The following TIAM2 variants were observed in gnomAD, a reference collection of about 807,000 sequenced individuals.
TIAM2 encodes the protein TIAM Rac1 associated GEF 2, also known as rho guanine nucleotide exchange factor TIAM2.
A neutral mutation model predicts 152.9 loss-of-function variants in TIAM2; 80 were observed. The ratio of observed to expected loss-of-function variants is 0.52; its 90% confidence interval spans 0.44 to 0.63. The LOEUF is 0.63. TIAM2 is among the 30% of genes least tolerant of loss of function. TIAM2 has a pLI of 0.00. For missense variants in TIAM2, 1,965 were observed against 2,120.1 expected, an observed-to-expected ratio of 0.93 and a Z score of 1.44; for synonymous variants, 804 against 838.0, an observed-to-expected ratio of 0.96 and a Z score of 0.70.
chr6:155,178,031 G>A (rs1257276489), intron 10 of TIAM2, among the ~76,000 whole-genome samples: 1 of 151,868 alleles, frequency 6.6e-6, no homozygotes, highest in African/African-American at 2.4e-5. Context: ...TGTGGTGGCG[G>A]GCGCCTGTAG....
chr6:155,025,277 T>A (rs1224498342), intron 1 of TIAM2, among the ~76,000 whole-genome samples: 1 of 151,268 alleles, frequency 6.6e-6, no homozygotes, highest in Non-Finnish European at 1.5e-5. Flanking sequence ...CGCTGCAAGC[T>A]CTGCCTCCCG....
In TIAM2 at chr6:155,257,012, C is replaced by G. The variant is rs746096522; in HGVS notation, c.4997C>G (p.Ala1666Gly). The change falls in exon 27 of 27, where the codon GCC becomes GGC. Residue 1666 changes from alanine to glycine, a missense_variant. Ala to Gly is a moderately conservative substitution (Grantham distance 60). Around this residue, in one of 3 missense-constraint regions of TIAM2, gnomAD observed 935 missense variants for 980.0 expected, o/e 0.95. Coordinates refer to ENST00000682666, the MANE Select transcript of TIAM2 (RefSeq NM_012454.4). ...TCCCTTGACAGTCAGTCTGAAAATG[C>G]CACCATCGACCTAAATTCTGTTCTA... Reference protein sequence around the residue: ...HQSLDSQSENATIDLNSVLER... With the variant: ...HQSLDSQSENGTIDLNSVLER... The G allele has an allele frequency of 1.2e-6, 2 of 1,614,006 alleles. No homozygotes were observed. The highest frequency in any genetic ancestry group is 1.1e-5 in the South Asian group (1 of 91,088).
intron 1 of TIAM2, among the ~76,000 whole-genome samples, chr6:155,006,274 C>G (rs1013835546): frequency 2.6e-5 from 4 of 152,104 alleles, no homozygotes; most frequent in African/African-American, 9.7e-5. Context: ...GTGGTAGGGA[C>G]AAACAAGTAA....
Position 155,254,027 on chromosome 6 carries a change from G to A in TIAM2, c.4280G>A (p.Gly1427Glu). Residue 1427 changes from glycine to glutamate, a missense_variant, in exon 25 of 27, where the codon GGA (glycine) becomes GAA (glutamate). Coordinates refer to ENST00000682666, the MANE Select transcript of TIAM2 (RefSeq NM_012454.4). The part of the protein sequence containing the change: ...ELIHTKSEIE[G>E]RPETIFQLCC... ...ATCCATACGAAGTCAGAAATAGAAG[G>A]ACGGCCAGAAACCATCTTTCAGTTG... 1.2e-6 allele frequency: 2 copies of A among 1,614,092 alleles called. No homozygotes were observed. The highest frequency in any genetic ancestry group is 1.7e-6 in the Non-Finnish European group (2 of 1,180,002).
At chr6:155,015,664 C>T (rs755485635) in intron 1 of TIAM2, among the ~76,000 whole-genome samples, 1 of 151,976 alleles carries the variant, frequency 6.6e-6, no homozygotes, top group Non-Finnish European at 1.5e-5. Context: ...AGGCCGGGCG[C>T]GGTGGCTCAT....
At chr6:155,209,290 C>T (rs1781665386) in intron 14 of TIAM2, among the ~76,000 whole-genome samples, 2 of 152,106 alleles carry the variant, frequency 1.3e-5, no homozygotes, top group African/African-American at 4.8e-5. Flanking sequence ...ACAGCTGCTA[C>T]TCAAGAAGTA....
chr6:155,006,362 C>A (rs1294576045), intron 1 of TIAM2, among the ~76,000 whole-genome samples: 1 of 149,172 alleles, frequency 6.7e-6, no homozygotes, highest in Non-Finnish European at 1.5e-5. Context: ...GCTCAAGGCA[C>A]TTTTTTTTTT....
In TIAM2 at chr6:155,165,397, T is replaced by C. The variant is rs1378158362; in HGVS notation, c.2349T>C (p.Pro783=). The C allele has an allele frequency of 1.2e-6, 2 of 1,612,062 alleles. No individual in the cohort carries two copies. Among genetic ancestry groups the C allele is most frequent in the Non-Finnish European group, 1.7e-6 (2 of 1,179,448 alleles). Residue 783 remains proline, a synonymous_variant, in exon 9 of 27, where the codon CCT becomes CCC. Transcript: ENST00000682666. ...CCAGAAAAGGCAAGGAGAAGAGACC[T>C]TCTATAACTCAGGTGAGCTTTTCAG... The part of the protein sequence containing the change: ...TLARKGKEKR[P]SITQVDELLH...
At chr6:155,132,376 A>G (rs1207463122) in intron 4 of TIAM2, among the ~76,000 whole-genome samples, 7 of 151,730 alleles carry the variant, frequency 4.6e-5, no homozygotes, top group East Asian at 1.9e-4. Context: ...TCTGATGTAT[A>G]TAGCGTGTCT....
intron 1 of TIAM2, among the ~76,000 whole-genome samples, chr6:155,070,326 T>A (rs1044728477): frequency 2.7e-5 from 4 of 147,294 alleles, no homozygotes; most frequent in African/African-American, 1.0e-4. Context: ...GTTCAAACGA[T>A]TCTCCTGCCT....
intron 5 of TIAM2, among the ~76,000 whole-genome samples, chr6:155,142,188 T>G (rs2115056712): frequency 6.6e-6 from 1 of 152,006 alleles, no homozygotes; most frequent in South Asian, 2.1e-4. Flanking sequence ...AGTGCACCCT[T>G]AGAGATGCAG....
intron 10 of TIAM2, 94 bp from the exon 11 acceptor site, chr6:155,178,945 A>C: frequency 1.0e-6 from 1 of 999,770 alleles, no homozygotes; most frequent in Non-Finnish European, 1.5e-6. Context: ...GTATTCTTTT[A>C]GAGATTTCTA....
At chr6:155,034,535 G>A (rs995845412) in intron 1 of TIAM2, among the ~76,000 whole-genome samples, 4 of 152,234 alleles carry the variant, frequency 2.6e-5, no homozygotes, top group Non-Finnish European at 5.9e-5. Context: ...GATTACAGGC[G>A]TGAGCCAAAG....
At chr6:155,037,940 C>G (rs1433303944) in intron 1 of TIAM2, among the ~76,000 whole-genome samples, 1 of 152,092 alleles carries the variant, frequency 6.6e-6, no homozygotes, top group East Asian at 1.9e-4. Context: ...GTTTGGAGTA[C>G]CTGGTCGACC....
At chr6:155,074,596 C>T (rs867335126) in intron 1 of TIAM2, among the ~76,000 whole-genome samples, 6 of 152,158 alleles carry the variant, frequency 3.9e-5, no homozygotes, top group Non-Finnish European at 7.3e-5. Flanking sequence ...GATCCGCCTG[C>T]CTTGGCCTCC....
Position 155,214,359 on chromosome 6 carries a change from A to G in TIAM2, c.3168+3052A>G, listed in dbSNP as rs997452398. Among the ~76,000 whole-genome samples, 20 of 152,302 alleles carry G rather than the reference A, an allele frequency of 1.3e-4. No homozygotes were observed. The highest frequency in any genetic ancestry group is 4.8e-4 in the African/African-American group (20 of 41,570). The stretch of plus-strand genomic sequence containing the variant: ...GTGGCATACCTTTTGGGGGTTGGTG[A>G]CATCCCCTGTGTGTGAGGGACCAGG... On this transcript the variant is annotated intron_variant, in intron 15 of 26. Transcript: ENST00000682666. This position sits in a 1 kb window ranked among gnomAD's most constrained non-coding sequence, Gnocchi z 5.4.
At position 155,239,937 on chromosome 6, in the gene TIAM2, G is replaced by C. The variant is rs1488727978; in HGVS notation, c.3169-593G>C. On this transcript the variant is annotated intron_variant, in intron 15 of 26. Transcript: ENST00000682666. ...TTCATCTGCTTCTACTCCATTACTA[G>C]CATGTGCACCAGCTCAAGAGTTTCT... 3.9e-5 allele frequency among the ~76,000 whole-genome samples: 6 copies of C among 151,906 alleles called. No homozygotes were observed. In the East Asian group the frequency reaches 1.2e-3, roughly 29 times the overall value.
intron 7 of TIAM2, among the ~76,000 whole-genome samples, chr6:155,163,143 A>G (rs1780318867): frequency 6.6e-6 from 1 of 152,210 alleles, no homozygotes; most frequent in Non-Finnish European, 1.5e-5. Flanking sequence ...GTGAAAGGCT[A>G]GGATCTGTCT....
At chr6:155,050,464 C>T (rs1391416750) in intron 1 of TIAM2, among the ~76,000 whole-genome samples, 2 of 152,178 alleles carry the variant, frequency 1.3e-5, no homozygotes, top group Non-Finnish European at 2.9e-5. Context: ...ATTTATGGAT[C>T]ATGTCACCAT....
Sources: gnomAD v4.1 joint callset for allele counts (sites outside exome capture counted in the v4.1 genomes callset) on GRCh38, gnomAD v4.1.1 for gene constraint, gnomAD v4.1.1 regional missense constraint, Gnocchi (gnomAD v3.1) non-coding constraint, MANE v1.5 for transcripts, NCBI Gene and HGNC (gene_info 2026-07-23, HGNC 2026-07-21) for gene names.